STK4: variants seen among roughly 807,000 people sequenced by gnomAD.
The protein encoded by STK4 is serine/threonine-protein kinase 4.
STK4 carries 30 observed loss-of-function variants against 64.9 expected under a neutral mutation model. That is an observed-to-expected ratio of 0.46 (90% CI 0.35 to 0.63). The LOEUF (loss-of-function observed/expected upper bound fraction) is 0.63, where lower values mean the gene tolerates loss of function less well. Ranked by LOEUF, STK4 falls within the 20% of genes least tolerant of loss-of-function variation. The probability of loss-of-function intolerance (pLI) is 0.01; values close to 1 mark genes in which losing one functional copy is unlikely to be tolerated. For synonymous variants in STK4, 177 were observed against 199.0 expected (o/e 0.89, Z 0.93); for missense variants, 466 against 598.5 (o/e 0.78, Z 2.31).
chr20:45,029,293 G>A (rs1023874305), intron 10 of STK4, among the ~76,000 whole-genome samples: 1 of 152,086 alleles, frequency 6.6e-6, no homozygotes, highest in Non-Finnish European at 1.5e-5. Context: ...TGTATTAACT[G>A]TCTGACCTGT....
At chr20:45,000,896 G>A (rs1269697386) in intron 8 of STK4, among the ~76,000 whole-genome samples, 2 of 152,144 alleles carry the variant, frequency 1.3e-5, no homozygotes, top group Non-Finnish European at 2.9e-5. Context: ...TTCCAAAGAT[G>A]TTCACATGAG....
intron 5 of STK4, among the ~76,000 whole-genome samples, chr20:44,990,161 C>T (rs1363295659): frequency 6.6e-6 from 1 of 152,142 alleles, no homozygotes; most frequent in Non-Finnish European, 1.5e-5. Context: ...TATTGTCTTC[C>T]GATCTATGAA....
intron 9 of STK4, among the ~76,000 whole-genome samples, chr20:45,002,263 G>A (rs1601241786): frequency 6.6e-6 from 1 of 152,178 alleles, no homozygotes. Context: ...GTACATGCAC[G>A]TGTTAGGGAA....
At chr20:45,024,117 G>C (rs2068300863) in intron 9 of STK4, among the ~76,000 whole-genome samples, 1 of 151,614 alleles carries the variant, frequency 6.6e-6, no homozygotes, top group Admixed American at 6.6e-5. Context: ...AGCCAGGATG[G>C]TCTCGATCTC....
intron 10 of STK4, among the ~76,000 whole-genome samples, chr20:45,033,423 T>G (rs781050986): frequency 6.6e-6 from 1 of 152,198 alleles, no homozygotes; most frequent in Non-Finnish European, 1.5e-5. Context: ...ATTTAAGTCT[T>G]TAATTCATTT....
At chr20:44,994,574 G>T (rs2067693320) in intron 5 of STK4, among the ~76,000 whole-genome samples, 1 of 149,976 alleles carries the variant, frequency 6.7e-6, no homozygotes, top group Admixed American at 6.6e-5. Context: ...CATTTGAGTT[G>T]TTTCCTTTTC....
chr20:45,000,420 T>G lies in STK4; in HGVS notation c.860T>G (p.Val287Gly), dbSNP rs747750281. 6.2e-7 allele frequency: 1 copy of G among 1,613,952 alleles called. No homozygotes were observed. The highest frequency in any genetic ancestry group is 2.2e-5 in the East Asian group (1 of 44,866). The change falls in exon 8 of 11, where the codon GTG becomes GGG. Residue 287 changes from valine (V) to glycine (G), a missense_variant. Coordinates refer to ENST00000372806, the MANE Select transcript of STK4 (RefSeq NM_006282.5). ...QHPFVRSAKG[V>G]SILRDLINEA... is the part of the protein sequence containing the mutation. ...CCATTTGTCAGGAGTGCCAAAGGAG[T>G]GTCAATACTGCGAGACTTAATTAAT... is the stretch of plus-strand genomic sequence containing the variant.
chr20:45,011,729 A>ATATATATATATATATATTTT (rs60170856), intron 9 of STK4, among the ~76,000 whole-genome samples: 77 of 115,340 alleles, frequency 6.7e-4, no homozygotes, highest in African/African-American at 2.7e-3. Flanking sequence ...ATATATATAT[A>ATATATATATATATATATTTT]TTTTTTTTTT....
chr20:45,075,206 C>G lies in STK4; in HGVS notation c.*30C>G, dbSNP rs530316715. ...GGCCAGGCTGTGAGGGCCCCAGCTC[C>G]ACCCAGGCTTTGGGTGAATTCTGGA... On this transcript the variant is annotated 3_prime_UTR_variant, in exon 11 of 11. Coordinates refer to ENST00000372806, the MANE Select transcript of STK4 (RefSeq NM_006282.5). The G allele has an allele frequency of 1.2e-6, 2 of 1,608,898 alleles. No individual in the cohort carries two copies. Among genetic ancestry groups the G allele is most frequent in the African/African-American group, 2.7e-5 (2 of 74,982 alleles).
chr20:45,070,440 C>T (rs568932379), intron 10 of STK4, among the ~76,000 whole-genome samples: 9 of 151,722 alleles, frequency 5.9e-5, no homozygotes, highest in East Asian at 1.9e-4. Context: ...TGGCAGGAGG[C>T]GGGGGTGAGG....
chr20:45,065,377 C>T (rs988798185), intron 10 of STK4, among the ~76,000 whole-genome samples: 2 of 152,062 alleles, frequency 1.3e-5, no homozygotes, highest in Non-Finnish European at 2.9e-5. Flanking sequence ...ATTTTCACAT[C>T]CATGTTCCTC....
intron 10 of STK4, chr20:45,053,156 G>T: frequency 1.2e-6 from 2 of 1,612,718 alleles, no homozygotes; most frequent in Non-Finnish European, 1.7e-6. Flanking sequence ...CTGCTGTGTA[G>T]ATACGCTTTC....
intron 10 of STK4, chr20:45,053,320 C>G: frequency 1.5e-6 from 1 of 648,280 alleles, no homozygotes; most frequent in South Asian, 1.9e-5. Context: ...CGGTTTTTGA[C>G]CTCAAGAGGT....
At chr20:45,005,260 GAAA>G (rs2145706421) in intron 9 of STK4, among the ~76,000 whole-genome samples, 1 of 152,128 alleles carries the variant, frequency 6.6e-6, no homozygotes, top group South Asian at 2.1e-4. Flanking sequence ...TCCTGAATAA[GAAA>G]AAGGATTTAA....
chr20:45,019,430 A>G (rs1469245739), intron 9 of STK4, among the ~76,000 whole-genome samples: 3 of 152,144 alleles, frequency 2.0e-5, no homozygotes, highest in Non-Finnish European at 4.4e-5. Context: ...CATTTTGTTT[A>G]TCTGTTCATC....
At chr20:45,074,269 A>G (rs1019281451) in intron 10 of STK4, among the ~76,000 whole-genome samples, 1 of 152,210 alleles carries the variant, frequency 6.6e-6, no homozygotes, top group African/African-American at 2.4e-5. Context: ...TAAAGCACTC[A>G]GTGTCTGGTG....
intron 10 of STK4, among the ~76,000 whole-genome samples, chr20:45,027,527 A>T (rs2145390847): frequency 6.6e-6 from 1 of 152,114 alleles, no homozygotes; most frequent in East Asian, 1.9e-4. Flanking sequence ...TATTTTTAGG[A>T]TACATGTAAT....
intron 10 of STK4, among the ~76,000 whole-genome samples, chr20:45,040,541 T>C (rs1476009185): frequency 1.3e-5 from 2 of 152,052 alleles, no homozygotes; most frequent in Non-Finnish European, 2.9e-5. Context: ...TCCCTGGTAG[T>C]TTGTGAGAGC....
chr20:45,024,045 C>T (rs199512740), intron 9 of STK4, among the ~76,000 whole-genome samples: 13 of 151,516 alleles, frequency 8.6e-5, no homozygotes, highest in East Asian at 1.9e-4. Flanking sequence ...GGACTACAGG[C>T]GCCCGCCACC....
Sources: gnomAD v4.1 joint callset for allele counts (sites outside exome capture counted in the v4.1 genomes callset) on GRCh38, gnomAD v4.1.1 for gene constraint, MANE v1.5 for transcripts, NCBI Gene and HGNC (gene_info 2026-07-23, HGNC 2026-07-21) for gene names.